ZBTB16: variants seen among roughly 807,000 people sequenced by gnomAD.
ZBTB16 encodes the protein zinc finger and BTB domain containing 16, also known as zinc finger and BTB domain-containing protein 16.
A neutral mutation model predicts 56.8 loss-of-function variants in ZBTB16; 8 were observed. That is an observed-to-expected ratio of 0.14 (90% CI 0.08 to 0.25). The LOEUF (loss-of-function observed/expected upper bound fraction) is 0.25. Ranked by LOEUF, ZBTB16 falls within the 10% of genes least tolerant of loss-of-function variation. The pLI, the probability that ZBTB16 is intolerant of heterozygous loss-of-function variation, is 1.00. For missense variants in ZBTB16, 625 were observed against 903.0 expected (o/e 0.69, Z 3.95); for synonymous variants, 363 against 368.5 (o/e 0.98, Z 0.17).
intron 2 of ZBTB16, among the ~76,000 whole-genome samples, chr11:114,070,141 G>T (rs796715044): frequency 1.7e-5 from 2 of 115,436 alleles, no homozygotes; most frequent in African/African-American, 6.6e-5. Context: ...TCGCTCTGTC[G>T]CCCAGGTCGG....
intron 6 of ZBTB16, among the ~76,000 whole-genome samples, chr11:114,248,152 G>A (rs893077325): frequency 4.6e-5 from 7 of 152,098 alleles, no homozygotes; most frequent in African/African-American, 9.7e-5. Context: ...CACCCGCCTC[G>A]GCCTCCAAAG....
intron 2 of ZBTB16, among the ~76,000 whole-genome samples, chr11:114,139,244 G>T (rs1420905300): frequency 6.6e-6 from 1 of 152,122 alleles, no homozygotes. Context: ...TTTGATTTGC[G>T]GTTTTCCCAT....
chr11:114,076,768 T>C (rs1939582559), intron 2 of ZBTB16, among the ~76,000 whole-genome samples: 1 of 152,162 alleles, frequency 6.6e-6, no homozygotes, highest in Non-Finnish European at 1.5e-5. Context: ...TTGTCAGGGA[T>C]GCAGACCTAT....
At chr11:114,094,912 C>G (rs1281451750) in intron 2 of ZBTB16, among the ~76,000 whole-genome samples, 1 of 152,266 alleles carries the variant, frequency 6.6e-6, no homozygotes, top group Non-Finnish European at 1.5e-5. Flanking sequence ...CTTCAACCAG[C>G]TTATGTGCCC....
chr11:114,196,273 A>G (rs1409202753), intron 4 of ZBTB16, among the ~76,000 whole-genome samples: 1 of 152,164 alleles, frequency 6.6e-6, no homozygotes, highest in Non-Finnish European at 1.5e-5. Flanking sequence ...AGGCTCAGGA[A>G]TTTTGGGTTC....
At chr11:114,220,192 T>C (rs1445192905) in intron 4 of ZBTB16, among the ~76,000 whole-genome samples, 4 of 152,196 alleles carry the variant, frequency 2.6e-5, no homozygotes, top group African/African-American at 9.6e-5. Flanking sequence ...TGGGCCCAGA[T>C]GGTCCTTGGA....
At position 114,186,052 on chromosome 11, in the gene ZBTB16, T is replaced by C. The variant is rs556594059; in HGVS notation, c.1367-900T>C. 3.9e-5 allele frequency among the ~76,000 whole-genome samples: 6 copies of C among 152,180 alleles called. No individual in the cohort carries two copies. The South Asian group carries it at 1.2e-3, about 32-fold the overall frequency. The stretch of plus-strand genomic sequence containing the variant: ...GTGGTGAGAGAGAAAGACAGGGCCA[T>C]AGGCATTTAAAATGGAGCACATAAA... On this transcript the variant is annotated intron_variant, in intron 3 of 6. Coordinates refer to ENST00000335953, the MANE Select transcript of ZBTB16 (RefSeq NM_006006.6).
At chr11:114,120,309 T>C (rs1403396764) in intron 2 of ZBTB16, among the ~76,000 whole-genome samples, 1 of 152,152 alleles carries the variant, frequency 6.6e-6, no homozygotes, top group Admixed American at 6.5e-5. Context: ...ATGGGATGAA[T>C]GGGGACATGG....
At chr11:114,245,956 T>C (rs1393664678) in intron 5 of ZBTB16, among the ~76,000 whole-genome samples, 1 of 152,286 alleles carries the variant, frequency 6.6e-6, no homozygotes, top group East Asian at 1.9e-4. Flanking sequence ...TCTATCTTTA[T>C]TGTCTGCGCC....
At chr11:114,091,757 C>T (rs1940199855) in intron 2 of ZBTB16, among the ~76,000 whole-genome samples, 1 of 151,958 alleles carries the variant, frequency 6.6e-6, no homozygotes, top group East Asian at 1.9e-4. Flanking sequence ...GTTCCAGTGC[C>T]CCAGCCCACT....
rs1454719157 is a variant in ZBTB16 at position 114,163,417 on chromosome 11, T to C, written c.1366+6983T>C. Among the ~76,000 whole-genome samples the C allele has an allele frequency of 2.0e-5, 3 of 149,346 alleles. No homozygotes were observed. The East Asian group carries it at 5.8e-4, about 29-fold the overall frequency. On this transcript the variant is annotated intron_variant, in intron 3 of 6. Transcript: ENST00000335953. ...GTTTTGTTGTGTGGGTTGTTTTTGT[T>C]TTTTTTGGTTTTTGTTTTTTGGCCA...
intron 2 of ZBTB16, among the ~76,000 whole-genome samples, chr11:114,120,597 T>G (rs982232847): frequency 6.6e-6 from 1 of 152,224 alleles, no homozygotes; most frequent in African/African-American, 2.4e-5. Context: ...TCAACTCTTC[T>G]TCCCCTCTGT....
chr11:114,161,335 T>C (rs145267203), intron 3 of ZBTB16, among the ~76,000 whole-genome samples: 6 of 152,272 alleles, frequency 3.9e-5, no homozygotes, highest in Non-Finnish European at 7.3e-5. Context: ...TCTGGGAGTG[T>C]CATTCATTTT....
chr11:114,224,398 GA>G (rs1279281973), intron 4 of ZBTB16, among the ~76,000 whole-genome samples: 2 of 152,070 alleles, frequency 1.3e-5, no homozygotes, highest in Non-Finnish European at 2.9e-5. Flanking sequence ...AAGAATACAA[GA>G]AAAAAGAGCT....
intron 2 of ZBTB16, among the ~76,000 whole-genome samples, chr11:114,079,544 G>A (rs1423430056): frequency 2.0e-5 from 3 of 152,234 alleles, no homozygotes; most frequent in Non-Finnish European, 4.4e-5. Context: ...GCTTAATCCT[G>A]TGATGCTGCC....
rs1166979731 is a variant in ZBTB16 at position 114,064,984 on chromosome 11, C to T, written c.1268+416C>T. Among the ~76,000 whole-genome samples, 1 of 152,140 alleles carries T rather than the reference C, an allele frequency of 6.6e-6. No homozygotes were observed. Among genetic ancestry groups the T allele is most frequent in the Non-Finnish European group, 1.5e-5 (1 of 68,024 alleles). ...ACTAGGTTTCAGGTCCTCGGGTTCCCATGCAGTGGTCCCTGTGAAGACAGC... is the reference window on the plus strand; with the variant it reads ...ACTAGGTTTCAGGTCCTCGGGTTCCTATGCAGTGGTCCCTGTGAAGACAGC... On this transcript the variant is annotated intron_variant, in intron 2 of 6. Transcript: ENST00000335953. This position sits in a 1 kb window ranked among gnomAD's most constrained non-coding sequence, Gnocchi z 4.2.
intron 4 of ZBTB16, among the ~76,000 whole-genome samples, chr11:114,212,171 AT>A (rs1359177343): frequency 4.6e-5 from 7 of 151,052 alleles, no homozygotes; most frequent in African/African-American, 9.7e-5. Context: ...TGTCAATGAA[AT>A]TTTTTTTTCA....
intron 2 of ZBTB16, among the ~76,000 whole-genome samples, chr11:114,071,717 G>T (rs1939354411): frequency 6.6e-6 from 1 of 152,094 alleles, no homozygotes; most frequent in Admixed American, 6.5e-5. Flanking sequence ...GAGGGTTTCT[G>T]AATTTTCCAT....
At chr11:114,096,051 G>T (rs907531360) in intron 2 of ZBTB16, among the ~76,000 whole-genome samples, 39 of 152,136 alleles carry the variant, frequency 2.6e-4, no homozygotes, top group African/African-American at 9.4e-4. Context: ...AATTCCAAAA[G>T]ATCTACTTAA....
Sources: gnomAD v4.1 joint callset for allele counts (sites outside exome capture counted in the v4.1 genomes callset) on GRCh38, gnomAD v4.1.1 for gene constraint, Gnocchi (gnomAD v3.1) non-coding constraint, MANE v1.5 for transcripts, NCBI Gene and HGNC (gene_info 2026-07-23, HGNC 2026-07-21) for gene names.